Variants in DOCK3 observed in about 807,000 individuals in gnomAD.
DOCK3 encodes dedicator of cytokinesis 3.
In DOCK3, 60 loss-of-function variants were observed where a neutral mutation model predicts 265.6. The observed-to-expected ratio is 0.23, with a 90% CI of 0.18 to 0.28. DOCK3 has a LOEUF of 0.28. DOCK3 is among the 10% of genes least tolerant of loss of function. DOCK3 has a pLI of 1.00. For synonymous variants in DOCK3, 881 were observed against 938.0 expected (o/e 0.94, Z 1.11); for missense variants, 1,981 against 2,594.3 (o/e 0.76, Z 5.14).
chr3:50,708,521 G>A (rs1355003092), intron 1 of DOCK3, among the ~76,000 whole-genome samples: 1 of 152,192 alleles, frequency 6.6e-6, no homozygotes, highest in East Asian at 1.9e-4. Context: ...GTAGTCTAGA[G>A]GGGGCTGTGA....
intron 5 of DOCK3, among the ~76,000 whole-genome samples, chr3:51,039,541 G>A (rs1001703435): frequency 6.6e-6 from 1 of 152,102 alleles, no homozygotes; most frequent in Admixed American, 6.6e-5. Context: ...CTATTAAGTG[G>A]CATCTTACTT....
chr3:50,789,293 C>T (rs941328591), intron 2 of DOCK3, among the ~76,000 whole-genome samples: 1 of 152,090 alleles, frequency 6.6e-6, no homozygotes, highest in Non-Finnish European at 1.5e-5. Flanking sequence ...TTTGAGGGTT[C>T]CTTTTGGAGT....
chr3:51,278,035 A>T, intron 26 of DOCK3: 4 of 985,402 alleles, frequency 4.1e-6, no homozygotes, highest in Non-Finnish European at 4.8e-6. Flanking sequence ...ATATTGTAGA[A>T]TGAAGCTGGG....
intron 1 of DOCK3, among the ~76,000 whole-genome samples, chr3:50,701,590 T>C (rs1040624469): frequency 6.6e-6 from 1 of 152,228 alleles, no homozygotes; most frequent in African/African-American, 2.4e-5. Context: ...TTTAATTTAA[T>C]GTAGCCCCAT....
At chr3:51,181,675 A>G (rs530567870) in intron 12 of DOCK3, among the ~76,000 whole-genome samples, 135 of 152,342 alleles carry the variant, frequency 8.9e-4, no homozygotes, top group African/African-American at 3.2e-3. Context: ...AAAACAAGTG[A>G]TAACCACAAA....
intron 9 of DOCK3, among the ~76,000 whole-genome samples, chr3:51,113,686 A>G (rs2083615621): frequency 6.6e-6 from 1 of 152,170 alleles, no homozygotes; most frequent in Admixed American, 6.5e-5. Context: ...TTAATCCCTC[A>G]TACCCCAACA....
intron 5 of DOCK3, among the ~76,000 whole-genome samples, chr3:51,044,852 C>T (rs549424254): frequency 6.6e-6 from 1 of 152,284 alleles, no homozygotes; most frequent in African/African-American, 2.4e-5. Context: ...AGCTTCCCCA[C>T]CTCTCTTCGC....
chr3:51,352,139 A>G (rs12487468), intron 40 of DOCK3, among the ~76,000 whole-genome samples: 10,710 of 152,260 alleles, frequency 0.07, 947 homozygotes, highest in East Asian at 0.34. Context: ...CTAGAAACCA[A>G]AAGCATTTCC....
At chr3:51,285,216 A>G (rs1360539283) in intron 27 of DOCK3, among the ~76,000 whole-genome samples, 2 of 152,286 alleles carry the variant, frequency 1.3e-5, no homozygotes, top group Non-Finnish European at 1.5e-5. Flanking sequence ...ATCCTTCTAC[A>G]CAAGGCCAAC....
chr3:50,967,955 C>G (rs145643274), intron 5 of DOCK3, among the ~76,000 whole-genome samples: 187 of 152,280 alleles, frequency 1.2e-3, no homozygotes, highest in African/African-American at 3.5e-3. Context: ...TGAGAATTCT[C>G]TTACTGTTTT....
intron 10 of DOCK3, among the ~76,000 whole-genome samples, chr3:51,149,876 CCT>C (rs1405087348): frequency 1.3e-5 from 2 of 152,112 alleles, no homozygotes; most frequent in African/African-American, 4.8e-5. Context: ...GGGAGGATTC[CCT>C]CTTTTTCTGT....
chr3:50,810,406 C>A (rs2106746691), intron 2 of DOCK3, among the ~76,000 whole-genome samples: 1 of 152,116 alleles, frequency 6.6e-6, no homozygotes, highest in South Asian at 2.1e-4. Flanking sequence ...CAAAAATTAG[C>A]TGGGCGTTGT....
chr3:51,305,734 G>A (rs1224407335), intron 27 of DOCK3, among the ~76,000 whole-genome samples: 6 of 4,328 alleles, frequency 1.4e-3, no homozygotes, highest in Admixed American at 4.4e-3. Context: ...GTGTGTGTGC[G>A]CGTGTGTGTG....
intron 1 of DOCK3, among the ~76,000 whole-genome samples, chr3:50,717,619 T>G (rs551654420): frequency 6.6e-6 from 1 of 152,264 alleles, no homozygotes; most frequent in East Asian, 1.9e-4. Flanking sequence ...CAAAGTGTCT[T>G]TATGTTTCCT....
intron 33 of DOCK3, among the ~76,000 whole-genome samples, chr3:51,332,110 C>T (rs2084558825): frequency 6.6e-6 from 1 of 152,222 alleles, no homozygotes; most frequent in South Asian, 2.1e-4. Flanking sequence ...AGCAGTCAGG[C>T]TGTGGGTTTG....
At chr3:50,697,432 A>C (rs1288865325) in intron 1 of DOCK3, among the ~76,000 whole-genome samples, 1 of 152,070 alleles carries the variant, frequency 6.6e-6, no homozygotes, top group African/African-American at 2.4e-5. Flanking sequence ...TTTACTAAAA[A>C]TACAAAAAAT....
chr3:51,383,789 T>G lies in DOCK3; in HGVS notation c.*2230T>G, dbSNP rs1214962010. On this transcript the variant is annotated 3_prime_UTR_variant, in exon 53 of 53. Coordinates refer to ENST00000266037, the MANE Select transcript of DOCK3 (RefSeq NM_004947.5). ...CTGATTTTCATTCTTTCAAGCTTAT[T>G]TGTAAATACCTATTTGAATGCTGTG... 6.5e-6 allele frequency: 1 copy of G among 152,676 alleles called. No homozygotes were observed. The highest frequency in any genetic ancestry group is 1.9e-4 in the East Asian group (1 of 5,202). The allele number at this position is 152,676 out of a possible 1,614,324, so 9.5% of individuals were successfully genotyped here.
intron 5 of DOCK3, among the ~76,000 whole-genome samples, chr3:50,951,833 G>A (rs184716417): frequency 1.1e-4 from 17 of 152,130 alleles, no homozygotes; most frequent in Middle Eastern, 3.4e-3. Context: ...TTTCATGATG[G>A]CGTAATGCAC....
intron 1 of DOCK3, among the ~76,000 whole-genome samples, chr3:50,747,125 T>C (rs2039497684): frequency 6.6e-6 from 1 of 152,218 alleles, no homozygotes. Context: ...TATGCATGGA[T>C]TTATTTTTGG....
Sources: allele counts gnomAD v4.1 joint callset (sites outside exome capture counted in the v4.1 genomes callset), GRCh38; gene constraint gnomAD v4.1.1; transcripts MANE v1.5; gene names NCBI Gene and HGNC (gene_info 2026-07-23, HGNC 2026-07-21).